DSCAML1: variants seen among roughly 807,000 people sequenced by gnomAD.
DSCAML1 encodes cell adhesion molecule DSCAML1.
DSCAML1 carries 38 observed loss-of-function variants against 200.5 expected under a neutral mutation model. The ratio of observed to expected loss-of-function variants is 0.19; its 90% CI spans 0.15 to 0.25. The LOEUF (loss-of-function observed/expected upper bound fraction) is 0.25. Ranked by LOEUF, DSCAML1 falls within the 10% of genes least tolerant of loss-of-function variation. DSCAML1 has a pLI of 1.00. For synonymous variants in DSCAML1, 1,215 were observed against 1,165.0 expected (o/e 1.04, Z -0.87); for missense variants, 2,223 against 2,858.8 (o/e 0.78, Z 5.07).
At chr11:117,750,819 T>C (rs2054593582) in intron 3 of DSCAML1, among the ~76,000 whole-genome samples, 1 of 152,184 alleles carries the variant, frequency 6.6e-6, no homozygotes, top group Non-Finnish European at 1.5e-5. Context: ...ACAGAGACTA[T>C]ACACCAGGAC....
chr11:117,678,501 A>G (rs142674921), intron 3 of DSCAML1, among the ~76,000 whole-genome samples: 18 of 152,352 alleles, frequency 1.2e-4, no homozygotes, highest in Non-Finnish European at 2.5e-4. Context: ...TGTAGGTCAA[A>G]TGGTGTTAAG....
Position 117,518,820 on chromosome 11 carries a change from C to T in DSCAML1, c.1214-58G>A, listed in dbSNP as rs2049830989. ...CCAAGCCATGGAGAGACGGTCCCCC[C>T]AGCCACCCCACCTCAGCAGGGGAGG... On this transcript the variant is annotated intron_variant, in intron 6 of 32. Transcript: ENST00000651296. This position sits in a 1 kb window ranked among gnomAD's most constrained non-coding sequence, Gnocchi z 6.3. 18 of 1,537,870 alleles carry T rather than the reference C, an allele frequency of 1.2e-5. No individual in the cohort carries two copies. In the Admixed American group the frequency reaches 3.2e-4, roughly 27 times the overall value.
intron 3 of DSCAML1, among the ~76,000 whole-genome samples, chr11:117,756,391 G>A (rs2054693591): frequency 6.6e-6 from 1 of 152,212 alleles, no homozygotes; most frequent in African/African-American, 2.4e-5. Context: ...GTCAGCACCA[G>A]AGCAGAGATA....
chr11:117,645,900 T>TAATA (rs541100117), intron 3 of DSCAML1, among the ~76,000 whole-genome samples: 48 of 151,958 alleles, frequency 3.2e-4, no homozygotes, highest in African/African-American at 1.1e-3. Context: ...TAAAGTATAA[T>TAATA]AATAAATAAA....
intron 3 of DSCAML1, among the ~76,000 whole-genome samples, chr11:117,628,356 G>A (rs757656958): frequency 3.3e-5 from 5 of 152,210 alleles, no homozygotes; most frequent in Non-Finnish European, 7.3e-5. Context: ...TGACCTCTGA[G>A]CTGAGGAGGG....
At chr11:117,727,346 T>C (rs924771471) in intron 3 of DSCAML1, among the ~76,000 whole-genome samples, 6 of 152,326 alleles carry the variant, frequency 3.9e-5, no homozygotes, top group Non-Finnish European at 8.8e-5. Flanking sequence ...CAGTAGGTAC[T>C]GCCCAGGGGC....
At chr11:117,486,162 G>T (rs548655316) in intron 11 of DSCAML1, among the ~76,000 whole-genome samples, 2 of 152,318 alleles carry the variant, frequency 1.3e-5, no homozygotes, top group Admixed American at 1.3e-4. Flanking sequence ...CCTCGCCAGC[G>T]CAAGTGAATG....
intron 7 of DSCAML1, among the ~76,000 whole-genome samples, chr11:117,517,034 A>G (rs2049784667): frequency 6.6e-6 from 1 of 152,160 alleles, no homozygotes; most frequent in Non-Finnish European, 1.5e-5. Context: ...TGGGACAGGG[A>G]TAGGACCAAA....
chr11:117,673,215 G>A (rs1467743233), intron 3 of DSCAML1, among the ~76,000 whole-genome samples: 3 of 152,176 alleles, frequency 2.0e-5, no homozygotes, highest in Non-Finnish European at 4.4e-5. Context: ...AAGCCAAGTG[G>A]AATTAGGTAG....
chr11:117,785,296 G>A (rs1348075276), intron 1 of DSCAML1, among the ~76,000 whole-genome samples: 1 of 152,192 alleles, frequency 6.6e-6, no homozygotes, highest in African/African-American at 2.4e-5. Context: ...GCCATGGGGA[G>A]GGAAGGGGAA....
At chr11:117,679,752 C>T (rs571385997) in intron 3 of DSCAML1, among the ~76,000 whole-genome samples, 2 of 152,308 alleles carry the variant, frequency 1.3e-5, no homozygotes, top group East Asian at 3.9e-4. Flanking sequence ...CAGCAGCCTA[C>T]AAACCCAGCA....
At chr11:117,612,951 T>G (rs2051726321) in intron 3 of DSCAML1, among the ~76,000 whole-genome samples, 2 of 152,172 alleles carry the variant, frequency 1.3e-5, no homozygotes, top group African/African-American at 4.8e-5. Flanking sequence ...CAAGTCACTT[T>G]CCATCCCTGA....
intron 3 of DSCAML1, among the ~76,000 whole-genome samples, chr11:117,539,884 A>G (rs1323372055): frequency 6.6e-6 from 1 of 152,246 alleles, no homozygotes; most frequent in Non-Finnish European, 1.5e-5. Context: ...ACTGTCCATC[A>G]ACAGACAAAT....
At chr11:117,800,199 C>A (rs535263666), upstream of DSCAML1, among the ~76,000 whole-genome samples, 2 of 152,106 alleles carry the variant, frequency 1.3e-5, no homozygotes, top group Non-Finnish European at 2.9e-5. Flanking sequence ...GTCTCCTCTT[C>A]GACAGGAGTT....
chr11:117,729,002 A>G (rs1489332567), intron 3 of DSCAML1, among the ~76,000 whole-genome samples: 2 of 152,226 alleles, frequency 1.3e-5, no homozygotes, highest in African/African-American at 2.4e-5. Context: ...GAGGATTTAC[A>G]TTTCCCAATT....
At chr11:117,729,949 C>T (rs1007426777) in intron 3 of DSCAML1, among the ~76,000 whole-genome samples, 14 of 152,292 alleles carry the variant, frequency 9.2e-5, no homozygotes, top group African/African-American at 2.9e-4. Flanking sequence ...GCCTGTAATC[C>T]CAGCACTTTG....
intron 3 of DSCAML1, among the ~76,000 whole-genome samples, chr11:117,571,278 T>A (rs529157332): frequency 6.6e-6 from 1 of 152,182 alleles, no homozygotes; most frequent in Non-Finnish European, 1.5e-5. Flanking sequence ...TCATTGCAGT[T>A]ATTGCTACAA....
intron 1 of DSCAML1, among the ~76,000 whole-genome samples, chr11:117,784,353 T>C (rs1299106486): frequency 6.6e-6 from 1 of 152,136 alleles, no homozygotes. Context: ...TAAATCACCA[T>C]TAATTTAGCC....
At chr11:117,573,736 G>T (rs551216203) in intron 3 of DSCAML1, among the ~76,000 whole-genome samples, 3 of 152,310 alleles carry the variant, frequency 2.0e-5, no homozygotes, top group African/African-American at 7.2e-5. Context: ...TCTCCCTTAC[G>T]CTTCCAGAAG....
Sources: gnomAD v4.1 joint callset for allele counts (sites outside exome capture counted in the v4.1 genomes callset) on GRCh38, gnomAD v4.1.1 for gene constraint, Gnocchi (gnomAD v3.1) non-coding constraint, MANE v1.5 for transcripts, NCBI Gene and HGNC (gene_info 2026-07-23, HGNC 2026-07-21) for gene names.